The following SLC2A9 variants were observed in gnomAD, a reference collection of about 807,000 sequenced individuals.
SLC2A9 encodes the protein solute carrier family 2 member 9.
Under a neutral mutation model 50.6 loss-of-function variants are expected in SLC2A9, and 39 were observed. The observed-to-expected ratio is 0.77, with a 90% CI of 0.60 to 1.01. The LOEUF (loss-of-function observed/expected upper bound fraction) is 1.01, where lower values mean the gene tolerates loss of function less well. Among genes scored for constraint, SLC2A9 ranks in the 50% least tolerant of loss-of-function variants. The pLI, the probability that SLC2A9 is intolerant of heterozygous loss-of-function variation, is 0.00. For missense variants in SLC2A9, 686 were observed against 677.6 expected, an observed-to-expected ratio of 1.01 and a Z score of -0.14; for synonymous variants, 324 against 276.9, an observed-to-expected ratio of 1.17 and a Z score of -1.69.
At chr4:9,973,079 C>A (rs1006375539) in intron 5 of SLC2A9, among the ~76,000 whole-genome samples, 1 of 152,066 alleles carries the variant, frequency 6.6e-6, no homozygotes, top group Non-Finnish European at 1.5e-5. Flanking sequence ...GAGAGACGAT[C>A]CAAATAAGCA....
chr4:9,920,718 G>A (rs1168344938), intron 6 of SLC2A9, 146 bp from the exon 7 acceptor site: 8 of 862,316 alleles, frequency 9.3e-6, no homozygotes, highest in Non-Finnish European at 1.5e-5. Context: ...AAACTATGGA[G>A]TCCAAAGCCC....
At chr4:9,806,063 G>T (rs865965817) in intron 3 of SLC2A9, among the ~76,000 whole-genome samples, 2 of 152,194 alleles carry the variant, frequency 1.3e-5, no homozygotes, top group African/African-American at 2.4e-5. Context: ...TGCAGAGAAG[G>T]TGTTAGCCTG....
intron 11 of SLC2A9, among the ~76,000 whole-genome samples, chr4:9,827,744 G>A (rs767990367): frequency 6.6e-6 from 1 of 152,298 alleles, no homozygotes; most frequent in South Asian, 2.1e-4. Flanking sequence ...ACACCTGGGG[G>A]TGCTTAGCTC....
intron 6 of SLC2A9, among the ~76,000 whole-genome samples, chr4:9,930,203 C>G (rs573295347): frequency 6.6e-6 from 1 of 152,252 alleles, no homozygotes; most frequent in Non-Finnish European, 1.5e-5. Context: ...TTGAAAGACA[C>G]TCATCATGCT....
chr4:9,935,603 C>T (rs895627387), intron 6 of SLC2A9, among the ~76,000 whole-genome samples: 1 of 152,220 alleles, frequency 6.6e-6, no homozygotes, highest in African/African-American at 2.4e-5. Context: ...GACCCCTGCC[C>T]AGTGTCAACA....
At chr4:9,969,509 G>A (rs950392241) in intron 5 of SLC2A9, among the ~76,000 whole-genome samples, 4 of 152,184 alleles carry the variant, frequency 2.6e-5, no homozygotes, top group Non-Finnish European at 1.5e-5. Flanking sequence ...TAAGATCAAT[G>A]TGGTTTTTTT....
At chr4:9,890,511 G>T in intron 9 of SLC2A9, 99 bp downstream of exon 9, 1 of 1,102,640 alleles carries the variant, frequency 9.1e-7, no homozygotes, top group Non-Finnish European at 1.4e-6. Context: ...AGTGTTTTCT[G>T]TAGAAGTATG....
intron 10 of SLC2A9, among the ~76,000 whole-genome samples, chr4:9,842,131 T>C (rs1334159855): frequency 2.0e-5 from 3 of 152,212 alleles, no homozygotes; most frequent in Non-Finnish European, 4.4e-5. Flanking sequence ...GGTATTGTTA[T>C]TGATTTTAAC....
downstream of SLC2A9, among the ~76,000 whole-genome samples, chr4:9,776,234 A>G (rs188465003): frequency 1.8e-3 from 269 of 151,330 alleles, no homozygotes; most frequent in African/African-American, 6.2e-3. Flanking sequence ...GAGTAGTCCA[A>G]GTACACCCAA....
intron 5 of SLC2A9, among the ~76,000 whole-genome samples, chr4:9,978,148 T>C (rs1755119474): frequency 6.6e-6 from 1 of 152,180 alleles, no homozygotes; most frequent in Admixed American, 6.5e-5. Flanking sequence ...ACCATTCCTG[T>C]TACTGAAGAG....
intron 2 of SLC2A9, among the ~76,000 whole-genome samples, chr4:10,016,465 T>G (rs1762627096): frequency 6.6e-6 from 1 of 152,190 alleles, no homozygotes; most frequent in Non-Finnish European, 1.5e-5. Context: ...CGGCACCTCA[T>G]GAGGGCTTTT....
chr4:9,865,627 G>C (rs1433430041), intron 10 of SLC2A9, among the ~76,000 whole-genome samples: 1 of 152,194 alleles, frequency 6.6e-6, no homozygotes, highest in Non-Finnish European at 1.5e-5. Context: ...TTGCATAATA[G>C]CTCTCAAGGT....
In SLC2A9 at chr4:9,955,355, C is replaced by A. The variant is rs1181696541; in HGVS notation, c.682-13310G>T. ...AAAATACAAAAAAAAATTAGCCGGG[C>A]GTGATGGCGGGCGCCTGTAGTCCCA... On this transcript the variant is annotated intron_variant, in intron 5 of 11. Transcript: ENST00000264784. Among the ~76,000 whole-genome samples, 4 of 104,460 alleles carry A rather than the reference C, an allele frequency of 3.8e-5. 1 individual carries two copies. The highest frequency in any genetic ancestry group is 4.4e-3 in the Middle Eastern group (1 of 228). The allele number at this position is 104,460 out of a possible 152,430, so 68.5% of individuals were successfully genotyped here.
chr4:10,019,656 C>T (rs1221259399), intron 1 of SLC2A9, among the ~76,000 whole-genome samples: 1 of 152,218 alleles, frequency 6.6e-6, no homozygotes, highest in East Asian at 1.9e-4. Flanking sequence ...GTGCCGTTGT[C>T]CAAGGGCCTG....
chr4:9,871,595 A>C (rs1341505513), intron 10 of SLC2A9, among the ~76,000 whole-genome samples: 3 of 152,114 alleles, frequency 2.0e-5, no homozygotes, highest in African/African-American at 7.2e-5. Flanking sequence ...CAGACATTGA[A>C]TTTAGGGGCC....
intron 10 of SLC2A9, among the ~76,000 whole-genome samples, chr4:9,865,101 C>T (rs1343245065): frequency 1.3e-5 from 2 of 152,226 alleles, no homozygotes; most frequent in East Asian, 1.9e-4. Context: ...GAGTCCCAAG[C>T]CTATGCTTCT....
intron 3 of SLC2A9, among the ~76,000 whole-genome samples, chr4:9,784,259 A>G (rs1718918416): frequency 6.6e-6 from 1 of 151,266 alleles, no homozygotes; most frequent in Non-Finnish European, 1.5e-5. Context: ...ATGGCATGGC[A>G]TTAGATCTTC....
chr4:9,868,809 T>G (rs1732937809), intron 10 of SLC2A9, among the ~76,000 whole-genome samples: 1 of 152,126 alleles, frequency 6.6e-6, no homozygotes, highest in Admixed American at 6.5e-5. Flanking sequence ...TTTTTCAAGT[T>G]TGAACATTGA....
At chr4:9,917,899 A>G (rs547016223) in intron 7 of SLC2A9, among the ~76,000 whole-genome samples, 2 of 152,262 alleles carry the variant, frequency 1.3e-5, no homozygotes, top group Non-Finnish European at 2.9e-5. Context: ...TGAATTTTCC[A>G]GCTCAAAATG....
Sources: gnomAD v4.1 joint callset for allele counts (sites outside exome capture counted in the v4.1 genomes callset) on GRCh38, gnomAD v4.1.1 for gene constraint, MANE v1.5 for transcripts, NCBI Gene and HGNC (gene_info 2026-07-23, HGNC 2026-07-21) for gene names.